The following PHKB variants were observed in gnomAD, a reference collection of about 807,000 sequenced individuals.
PHKB encodes the protein phosphorylase b kinase regulatory subunit beta.
PHKB carries 122 observed loss-of-function variants against 152.1 expected under a neutral mutation model. That is an observed-to-expected ratio of 0.80 (90% confidence interval 0.69 to 0.93). The LOEUF (loss-of-function observed/expected upper bound fraction) is 0.93, where lower values mean the gene tolerates loss of function less well. Ranked by LOEUF, PHKB falls within the 40% of genes least tolerant of loss-of-function variation. The pLI, the probability that PHKB is intolerant of heterozygous loss-of-function variation, is 0.00. For missense variants in PHKB, 1,304 were observed against 1,328.4 expected (o/e 0.98, Z 0.29); for synonymous variants, 436 against 464.9 (o/e 0.94, Z 0.80).
chr16:47,696,201 A>G (rs143188400), intron 28 of PHKB, among the ~76,000 whole-genome samples, 180 bp from the exon 29 acceptor site: 10 of 152,366 alleles, frequency 6.6e-5, no homozygotes, highest in East Asian at 3.9e-4. Context: ...ATTTATCACA[A>G]TAGTCAGCTG....
chr16:47,678,476 A>G (rs1325878999), intron 26 of PHKB, among the ~76,000 whole-genome samples: 2 of 152,102 alleles, frequency 1.3e-5, no homozygotes, highest in Non-Finnish European at 1.5e-5. Flanking sequence ...CTGGTGTGAG[A>G]TGGTATCTCA....
At chr16:47,480,040 G>GTA (rs138099709) in intron 1 of PHKB, among the ~76,000 whole-genome samples, 10 of 151,998 alleles carry the variant, frequency 6.6e-5, no homozygotes, top group East Asian at 1.9e-4. Flanking sequence ...TTGGAAATGA[G>GTA]TATATATATA....
chr16:47,463,311 TG>T (rs759213326), intron 1 of PHKB: 1 of 152,692 alleles, frequency 6.5e-6, no homozygotes, highest in Non-Finnish European at 1.5e-5. Context: ...CACTTTTATG[TG>T]CAAAGTGCAT....
At chr16:47,660,305 A>G (rs1221920327) in intron 20 of PHKB, among the ~76,000 whole-genome samples, 1 of 152,154 alleles carries the variant, frequency 6.6e-6, no homozygotes, top group Non-Finnish European at 1.5e-5. Context: ...AACGATGTGT[A>G]TATTCTATTT....
intron 1 of PHKB, among the ~76,000 whole-genome samples, chr16:47,479,427 C>T (rs950414831): frequency 1.2e-4 from 18 of 152,052 alleles, no homozygotes; most frequent in Non-Finnish European, 2.1e-4. Context: ...ACATCTCACA[C>T]CCTCTCTTCT....
At chr16:47,530,778 A>T (rs1970848977) in intron 6 of PHKB, among the ~76,000 whole-genome samples, 1 of 152,240 alleles carries the variant, frequency 6.6e-6, no homozygotes, top group African/African-American at 2.4e-5. Flanking sequence ...GGACAAAATT[A>T]TAAAACTTGG....
intron 7 of PHKB, chr16:47,565,969 C>T (rs1224241254): frequency 1.2e-6 from 1 of 831,712 alleles, no homozygotes; most frequent in Admixed American, 2.4e-5. Context: ...GAGTAATCAT[C>T]TCTGGAGCTC....
rs17853186 is a variant in PHKB, at chr16:47,660,798, C to T, written c.2175C>T (p.His725=). 8.1e-6 allele frequency: 13 copies of T among 1,613,962 alleles called. No individual in the cohort carries two copies. The highest frequency in any genetic ancestry group is 2.2e-5 in the South Asian group (2 of 91,072). ...GTGAATGGAAGGACAAACCCACCCACGAAATTCTTCAAAAACTGAATGTGA... is the reference window on the plus strand; with the variant it reads ...GTGAATGGAAGGACAAACCCACCCATGAAATTCTTCAAAAACTGAATGTGA... ...NISEWKDKPT[H]EILQKLNDCS... Residue 725 remains histidine (H), a synonymous_variant, in exon 22 of 31, where the codon CAC becomes CAT. Transcript: ENST00000323584.
At chr16:47,610,600 C>T (rs973821894) in intron 13 of PHKB, among the ~76,000 whole-genome samples, 1 of 152,144 alleles carries the variant, frequency 6.6e-6, no homozygotes, top group Non-Finnish European at 1.5e-5. Context: ...ATGCCTAATT[C>T]CATTCCCTTG....
chr16:47,523,713 TAAG>T (rs1254117405), intron 6 of PHKB, among the ~76,000 whole-genome samples: 1 of 152,212 alleles, frequency 6.6e-6, no homozygotes, highest in Non-Finnish European at 1.5e-5. Context: ...CCCCCAGGTT[TAAG>T]AAGATTTGTT....
chr16:47,464,863 A>G (rs998550213), intron 1 of PHKB, among the ~76,000 whole-genome samples: 2 of 152,224 alleles, frequency 1.3e-5, no homozygotes, highest in Non-Finnish European at 2.9e-5. Context: ...TACCTTTTCT[A>G]TAATGCCTCT....
At chr16:47,617,258 T>C (rs1225853653) in intron 14 of PHKB, among the ~76,000 whole-genome samples, 2 of 148,040 alleles carry the variant, frequency 1.4e-5, no homozygotes, top group Admixed American at 1.4e-4. Flanking sequence ...TATTTATATA[T>C]AATATAAATT....
At chr16:47,466,918 T>C (rs1329729737) in intron 1 of PHKB, among the ~76,000 whole-genome samples, 1 of 152,156 alleles carries the variant, frequency 6.6e-6, no homozygotes, top group Non-Finnish European at 1.5e-5. Flanking sequence ...AGGGTGTACA[T>C]TTGGTGTTCA....
intron 28 of PHKB, 40 bp downstream of exon 28, chr16:47,693,547 G>T (rs190581841): frequency 9.3e-6 from 15 of 1,607,762 alleles, no homozygotes; most frequent in Non-Finnish European, 5.1e-6. Flanking sequence ...AGGAGACTTC[G>T]CAAAGGGTAG....
chr16:47,686,015 C>A (rs1973959276), intron 26 of PHKB, among the ~76,000 whole-genome samples: 1 of 152,166 alleles, frequency 6.6e-6, no homozygotes, highest in Non-Finnish European at 1.5e-5. Flanking sequence ...GCTGGGATTA[C>A]CGGCATGAGC....
intron 14 of PHKB, among the ~76,000 whole-genome samples, chr16:47,626,767 T>C (rs537470490): frequency 6.6e-6 from 1 of 152,164 alleles, no homozygotes; most frequent in South Asian, 2.1e-4. Context: ...AAAGCCAATT[T>C]TCAGACAAAA....
Position 47,698,458 on chromosome 16 carries a change from T to C in PHKB, c.3014T>C (p.Val1005Ala), listed in dbSNP as rs759817679. ...GTCTGTCTCTTCTAGTTACTTATGG[T>C]TGTATCCATTGTACTGGAAAGAAAC... ...YRQIVVELLMVVSIVLERNPE... is the reference protein window; with the variant it reads ...YRQIVVELLMAVSIVLERNPE... The change falls in exon 30 of 31, where the codon GTT becomes GCT. Residue 1005 changes from valine (V) to alanine (A), a missense_variant. By Grantham distance (64) the Val-to-Ala change is moderately conservative. Coordinates refer to ENST00000323584, the MANE Select transcript of PHKB (RefSeq NM_000293.3). 8 of 1,610,084 alleles carry C rather than the reference T, an allele frequency of 5.0e-6. No individual in the cohort carries two copies. The highest frequency in any genetic ancestry group is 6.8e-6 in the Non-Finnish European group (8 of 1,176,408).
At chr16:47,637,039 C>G (rs1972934016) in intron 14 of PHKB, among the ~76,000 whole-genome samples, 1 of 152,168 alleles carries the variant, frequency 6.6e-6, no homozygotes, top group Non-Finnish European at 1.5e-5. Flanking sequence ...GGACTACCAG[C>G]TGCAGGAAAG....
chr16:47,534,009 A>G (rs1567295345), intron 6 of PHKB, among the ~76,000 whole-genome samples: 2 of 152,074 alleles, frequency 1.3e-5, no homozygotes, highest in Non-Finnish European at 2.9e-5. Context: ...CCCAGGCCCC[A>G]AGAGTACAGA....
Sources: gnomAD v4.1 joint callset for allele counts (sites outside exome capture counted in the v4.1 genomes callset) on GRCh38, gnomAD v4.1.1 for gene constraint, MANE v1.5 for transcripts, NCBI Gene and HGNC (gene_info 2026-07-23, HGNC 2026-07-21) for gene names.